Variants in CACNB2 observed in about 807,000 individuals in gnomAD.
CACNB2 encodes calcium voltage-gated channel auxiliary subunit beta 2, also known as voltage-dependent L-type calcium channel subunit beta-2.
Under a neutral mutation model 73.3 loss-of-function variants are expected in CACNB2, and 42 were observed. The observed-to-expected ratio is 0.57, with a 90% CI of 0.45 to 0.74. The LOEUF is 0.74. Among genes scored for constraint, CACNB2 ranks in the 30% least tolerant of loss-of-function variants. The pLI, the probability that CACNB2 is intolerant of heterozygous loss-of-function variation, is 0.00. For missense variants in CACNB2, 940 were observed against 853.0 expected, an observed-to-expected ratio of 1.10 and a Z score of -1.27; for synonymous variants, 348 against 310.3, an observed-to-expected ratio of 1.12 and a Z score of -1.28.
At chr10:18,476,409 A>G (rs2078596411) in intron 3 of CACNB2, among the ~76,000 whole-genome samples, 1 of 152,228 alleles carries the variant, frequency 6.6e-6, no homozygotes, top group South Asian at 2.1e-4. Flanking sequence ...AGCCAAAGCA[A>G]GCAGCTCAAG....
chr10:18,205,374 C>T (rs1045367437), intron 2 of CACNB2, among the ~76,000 whole-genome samples: 5 of 152,196 alleles, frequency 3.3e-5, no homozygotes, highest in South Asian at 2.1e-4. Context: ...ATTAGCCCAG[C>T]GAGCACTCGT....
At chr10:18,202,189 C>T (rs2034910049) in intron 2 of CACNB2, among the ~76,000 whole-genome samples, 2 of 152,120 alleles carry the variant, frequency 1.3e-5, no homozygotes, top group South Asian at 4.1e-4. Context: ...AGTTGGCTGA[C>T]AACACACAAA....
intron 2 of CACNB2, among the ~76,000 whole-genome samples, chr10:18,313,981 A>G (rs1216071244): frequency 6.6e-6 from 1 of 152,280 alleles, no homozygotes; most frequent in Non-Finnish European, 1.5e-5. Context: ...AAAACACACT[A>G]AAGGCTTCTG....
At chr10:18,435,655 T>C (rs1036200650) in intron 3 of CACNB2, among the ~76,000 whole-genome samples, 2 of 151,940 alleles carry the variant, frequency 1.3e-5, no homozygotes, top group Non-Finnish European at 2.9e-5. Flanking sequence ...CACACTACCA[T>C]ATCCAGATAA....
intron 2 of CACNB2, among the ~76,000 whole-genome samples, chr10:18,283,168 C>G (rs1289226825): frequency 6.6e-6 from 1 of 152,140 alleles, no homozygotes; most frequent in African/African-American, 2.4e-5. Context: ...AGTCAGGAAA[C>G]AACAGGTGCT....
intron 2 of CACNB2, among the ~76,000 whole-genome samples, chr10:18,311,659 T>C (rs2039970274): frequency 6.6e-6 from 1 of 152,246 alleles, no homozygotes; most frequent in African/African-American, 2.4e-5. Flanking sequence ...TAGATCATCA[T>C]AAAGTTCTTC....
chr10:18,532,007 G>A lies in CACNB2; in HGVS notation c.1055-2069G>A, dbSNP rs147056380. On this transcript the variant is annotated intron_variant, in intron 10 of 13. Transcript: ENST00000324631. ...TTTCAGTTTCAGAAACGAACATTGG[G>A]GAAGTTTCTGACATTTCTTTATTAG... 659 of 152,232 alleles carry A rather than the reference G, an allele frequency of 4.3e-3. 4 individuals carry two copies. Among genetic ancestry groups the A allele is most frequent in the African/African-American group, 0.015 (613 of 41,516 alleles). The allele number at this position is 152,232 out of a possible 1,614,324, so 9.4% of individuals were successfully genotyped here.
intron 2 of CACNB2, among the ~76,000 whole-genome samples, chr10:18,226,644 A>G (rs1211349087): frequency 6.6e-6 from 1 of 152,206 alleles, no homozygotes; most frequent in Non-Finnish European, 1.5e-5. Flanking sequence ...TCACTAATGA[A>G]TTAACTCAAT....
intron 2 of CACNB2, among the ~76,000 whole-genome samples, chr10:18,290,127 T>C (rs1386402677): frequency 2.9e-5 from 4 of 135,830 alleles, no homozygotes; most frequent in East Asian, 4.1e-4. Flanking sequence ...TTTTTTTTTT[T>C]TTTTTTTTTT....
intron 2 of CACNB2, among the ~76,000 whole-genome samples, chr10:18,356,253 A>G (rs973102679): frequency 2.0e-5 from 3 of 152,044 alleles, no homozygotes. Flanking sequence ...AACTATCCCA[A>G]CTGCCCAGCA....
intron 2 of CACNB2, among the ~76,000 whole-genome samples, chr10:18,285,805 C>T (rs548502621): frequency 9.3e-4 from 141 of 152,170 alleles, no homozygotes; most frequent in Non-Finnish European, 9.0e-4. Flanking sequence ...ACTATAAACT[C>T]GATCCTTTCA....
At chr10:18,168,625 C>G (rs1588604308) in intron 2 of CACNB2, among the ~76,000 whole-genome samples, 2 of 152,162 alleles carry the variant, frequency 1.3e-5, no homozygotes, top group South Asian at 4.2e-4. Context: ...CTCTCAGGAG[C>G]TAAACATCCA....
At chr10:18,466,364 TAGCTGGGACTACAGGTCCCAGC>T (rs1241715399) in intron 3 of CACNB2, among the ~76,000 whole-genome samples, 1 of 152,122 alleles carries the variant, frequency 6.6e-6, no homozygotes, top group Non-Finnish European at 1.5e-5. Context: ...GCCTTCTGCA[TAGCTGGGACTACAGGTCCCAGC>T]ACACCACCAT....
chr10:18,539,097 G>A (rs2053891044), intron 13 of CACNB2, 133 bp from the exon 14 acceptor site: 1 of 1,102,336 alleles, frequency 9.1e-7, no homozygotes, highest in East Asian at 2.4e-5. Context: ...TTACCAAAGG[G>A]ATGAAGCTAG....
At chr10:18,228,283 A>G (rs2036080226) in intron 2 of CACNB2, among the ~76,000 whole-genome samples, 1 of 151,956 alleles carries the variant, frequency 6.6e-6, no homozygotes, top group South Asian at 2.1e-4. Context: ...ATTCAAAGTT[A>G]GCCGGATGTG....
chr10:18,150,833 G>A (rs996562261), intron 1 of CACNB2, 50 bp from the exon 2 acceptor site: 8 of 1,113,966 alleles, frequency 7.2e-6, no homozygotes, highest in Non-Finnish European at 9.9e-6. Context: ...CTGTTAAAGG[G>A]TCTCATAATA....
intron 2 of CACNB2, among the ~76,000 whole-genome samples, chr10:18,243,228 C>G (rs987963858): frequency 6.6e-6 from 1 of 151,900 alleles, no homozygotes; most frequent in Non-Finnish European, 1.5e-5. Context: ...TAACAGCATT[C>G]TAGATATACT....
intron 6 of CACNB2, among the ~76,000 whole-genome samples, chr10:18,510,224 T>C (rs2050692956): frequency 6.6e-6 from 1 of 152,192 alleles, no homozygotes; most frequent in South Asian, 2.1e-4. Flanking sequence ...TACAGGTAAA[T>C]TTCAAACCTG....
intron 3 of CACNB2, among the ~76,000 whole-genome samples, chr10:18,433,449 T>G (rs2045985180): frequency 6.6e-6 from 1 of 152,218 alleles, no homozygotes; most frequent in Non-Finnish European, 1.5e-5. Flanking sequence ...TTGATTGTAT[T>G]GCTGTTGTTA....
Sources: gnomAD v4.1 joint callset for allele counts (sites outside exome capture counted in the v4.1 genomes callset) on GRCh38, gnomAD v4.1.1 for gene constraint, MANE v1.5 for transcripts, NCBI Gene and HGNC (gene_info 2026-07-23, HGNC 2026-07-21) for gene names.